Variants in SUCO observed in about 807,000 individuals in gnomAD.
The protein encoded by SUCO is SUN domain-containing ossification factor.
In SUCO, 57 loss-of-function variants were observed where a neutral mutation model predicts 148.1. The ratio of observed to expected loss-of-function variants is 0.38; its 90% confidence interval spans 0.31 to 0.48. SUCO has a LOEUF of 0.48. SUCO is among the 20% of genes least tolerant of loss of function. SUCO has a pLI of 0.96. For synonymous variants in SUCO, 470 were observed against 502.7 expected (o/e 0.93, Z 0.87); for missense variants, 1,331 against 1,468.2 (o/e 0.91, Z 1.53).
At chr1:172,556,600 A>G in intron 4 of SUCO, 1 of 984,414 alleles carries the variant, frequency 1.0e-6, no homozygotes, top group Non-Finnish European at 1.2e-6. Flanking sequence ...AGTTGACATA[A>G]ATAAAGTGCA....
chr1:172,594,876 G>C (rs866471884), intron 19 of SUCO, among the ~76,000 whole-genome samples: 2 of 152,164 alleles, frequency 1.3e-5, no homozygotes, highest in Non-Finnish European at 2.9e-5. Context: ...TGACAGTGGG[G>C]TGTTAAAGTC....
intron 3 of SUCO, among the ~76,000 whole-genome samples, chr1:172,554,084 A>AT (rs892405025): frequency 8.6e-5 from 13 of 151,760 alleles, no homozygotes; most frequent in Non-Finnish European, 1.8e-4. Context: ...GCCTTGGCTA[A>AT]TTTTTTTTTC....
Position 172,536,263 on chromosome 1 carries a change from A to AT in SUCO, c.62+2766_62+2767insT, listed in dbSNP as rs578182321. Among the ~76,000 whole-genome samples the AT allele has an allele frequency of 4.7e-5, 7 of 148,644 alleles. No individual in the cohort carries two copies. The South Asian group carries it at 1.5e-3, about 31-fold the overall frequency. On this transcript the variant is annotated intron_variant, in intron 1 of 23. Coordinates refer to ENST00000263688, the MANE Select transcript of SUCO (RefSeq NM_014283.5). ...CAGCACAGGCTCCTGAGTACTTTAT[A>AT]GGTCAGAGGCCTGTATTTTATATAT... is the stretch of plus-strand genomic sequence containing the variant.
Position 172,608,565 on chromosome 1 carries a change from C to T in SUCO, c.3266-182C>T, listed in dbSNP as rs1346163210. The T allele has an allele frequency of 8.2e-6, 5 of 606,474 alleles. No individual in the cohort carries two copies. In the East Asian group the frequency reaches 1.5e-4, roughly 18 times the overall value. The allele number at this position is 606,474 out of a possible 1,614,324, so 37.6% of individuals were successfully genotyped here. On this transcript the variant is annotated intron_variant, in intron 22 of 23. Coordinates refer to ENST00000263688, the MANE Select transcript of SUCO (RefSeq NM_014283.5). The stretch of plus-strand genomic sequence containing the variant: ...AGGAATCATATCATCTTCCACCTTG[C>T]CTCTTTTTGCTTACTAATTTAAAAT...
intron 1 of SUCO, among the ~76,000 whole-genome samples, chr1:172,548,384 T>C (rs981803181): frequency 6.6e-6 from 1 of 152,044 alleles, no homozygotes; most frequent in Non-Finnish European, 1.5e-5. Flanking sequence ...TTGATTTTCT[T>C]AATTTTCTTT....
intron 1 of SUCO, chr1:172,544,103 G>A: frequency 1.2e-6 from 1 of 854,132 alleles, no homozygotes; most frequent in Non-Finnish European, 1.4e-6. Flanking sequence ...TATCCAGGAA[G>A]TAATATTCAA....
At chr1:172,578,553 T>C in intron 14 of SUCO, 164 bp downstream of exon 14, 1 of 972,620 alleles carries the variant, frequency 1.0e-6, no homozygotes, top group Non-Finnish European at 1.2e-6. Flanking sequence ...ATCTGTTTTC[T>C]AATATGATTG....
At chr1:172,592,265 A>T (rs1656729643) in intron 19 of SUCO, among the ~76,000 whole-genome samples, 1 of 152,136 alleles carries the variant, frequency 6.6e-6, no homozygotes, top group African/African-American at 2.4e-5. Flanking sequence ...TGCTGTGCAG[A>T]AGCTCTTTAG....
intron 7 of SUCO, chr1:172,569,627 G>A (rs777410450): frequency 4.2e-6 from 2 of 473,932 alleles, no homozygotes; most frequent in Non-Finnish European, 5.5e-6. Context: ...ATTAGGTGCA[G>A]CACACCACCA....
chr1:172,532,737 C>A, upstream of SUCO: 1 of 1,613,966 alleles, frequency 6.2e-7, no homozygotes, highest in Non-Finnish European at 8.5e-7. Flanking sequence ...AAAACGAATT[C>A]TGGAAGGCAA....
intron 9 of SUCO, among the ~76,000 whole-genome samples, chr1:172,572,326 C>A (rs1005467584): frequency 2.0e-5 from 3 of 151,678 alleles, no homozygotes; most frequent in Non-Finnish European, 4.4e-5. Context: ...GAGGTAGACA[C>A]GGGAGACTTT....
intron 1 of SUCO, among the ~76,000 whole-genome samples, chr1:172,546,207 A>G (rs1443684154): frequency 2.0e-5 from 3 of 152,194 alleles, no homozygotes; most frequent in African/African-American, 2.4e-5. Flanking sequence ...TAAAGTATTA[A>G]TCTAATTTTT....
At chr1:172,588,138 G>A (rs564299764) in intron 17 of SUCO, 2 of 985,206 alleles carry the variant, frequency 2.0e-6, no homozygotes, top group South Asian at 4.7e-5. Flanking sequence ...TATGTTTCTT[G>A]TCCTTAAAGT....
At chr1:172,540,400 G>T (rs1030649617) in intron 1 of SUCO, among the ~76,000 whole-genome samples, 1 of 152,214 alleles carries the variant, frequency 6.6e-6, no homozygotes, top group Non-Finnish European at 1.5e-5. Flanking sequence ...ACTTTTAAAA[G>T]AAATACGCAT....
chr1:172,588,349 T>C (rs1656382418), intron 17 of SUCO: 1 of 985,296 alleles, frequency 1.0e-6, no homozygotes, highest in South Asian at 4.7e-5. Context: ...TTAAGCTAGT[T>C]TATTAAGCTA....
chr1:172,568,419 A>G, intron 6 of SUCO: 1 of 980,602 alleles, frequency 1.0e-6, no homozygotes, highest in African/African-American at 1.8e-5. Context: ...TTATTCGTCC[A>G]TGTCATTTAT....
chr1:172,536,320 T>A (rs1377086805), intron 1 of SUCO, among the ~76,000 whole-genome samples: 1 of 152,216 alleles, frequency 6.6e-6, no homozygotes, highest in Admixed American at 6.5e-5. Flanking sequence ...TATGTGTTCT[T>A]TGACTTGTTA....
intron 19 of SUCO, among the ~76,000 whole-genome samples, chr1:172,596,657 A>C (rs1657120262): frequency 6.6e-6 from 1 of 152,202 alleles, no homozygotes; most frequent in East Asian, 1.9e-4. Flanking sequence ...GCTTTGTCTC[A>C]GAGGGGCACC....
At chr1:172,533,594 C>G in intron 1 of SUCO, 97 bp downstream of exon 1, 1 of 1,424,148 alleles carries the variant, frequency 7.0e-7, no homozygotes, top group South Asian at 1.5e-5. Flanking sequence ...TTTTAGGGTC[C>G]GGGTTTCCAA....
Sources: gnomAD v4.1 joint callset for allele counts (sites outside exome capture counted in the v4.1 genomes callset) on GRCh38, gnomAD v4.1.1 for gene constraint, MANE v1.5 for transcripts, NCBI Gene and HGNC (gene_info 2026-07-23, HGNC 2026-07-21) for gene names.